The following KCNH1 variants were observed in gnomAD, a reference collection of about 807,000 sequenced individuals.
KCNH1 encodes voltage-gated delayed rectifier potassium channel KCNH1.
KCNH1 carries 27 observed loss-of-function variants against 69.2 expected under a neutral mutation model. The ratio of observed to expected loss-of-function variants is 0.39; its 90% CI spans 0.29 to 0.54. KCNH1 has a LOEUF of 0.54. Ranked by LOEUF, KCNH1 falls within the 20% of genes least tolerant of loss-of-function variation. The probability of loss-of-function intolerance (pLI) is 0.68; values close to 1 mark genes in which losing one functional copy is unlikely to be tolerated. For missense variants in KCNH1, 798 were observed against 1,261.6 expected (o/e 0.63, Z 5.57); for synonymous variants, 456 against 487.7 (o/e 0.93, Z 0.86).
intron 10 of KCNH1, among the ~76,000 whole-genome samples, chr1:210,764,836 G>T (rs760648242): frequency 3.9e-5 from 6 of 152,166 alleles, no homozygotes; most frequent in Admixed American, 2.0e-4. Flanking sequence ...ATTACCATTC[G>T]ACCTAGAAAT....
chr1:211,124,386 C>G (rs1691741579), intron 1 of KCNH1, among the ~76,000 whole-genome samples: 1 of 152,194 alleles, frequency 6.6e-6, no homozygotes, highest in African/African-American at 2.4e-5. Flanking sequence ...TGGCTCATGC[C>G]TATAATCCCA....
chr1:211,017,171 G>A (rs749744880), intron 6 of KCNH1, among the ~76,000 whole-genome samples: 9 of 152,102 alleles, frequency 5.9e-5, no homozygotes, highest in Admixed American at 1.3e-4. Flanking sequence ...TACATTGGCA[G>A]CATTTTGTAG....
intron 6 of KCNH1, among the ~76,000 whole-genome samples, chr1:210,967,172 AG>A (rs957098082): frequency 1.3e-5 from 2 of 151,154 alleles, no homozygotes; most frequent in Non-Finnish European, 2.9e-5. Context: ...AGGGACTGTC[AG>A]GGGTTGGGGG....
Position 210,978,036 on chromosome 1 carries a change from CTTTAA to C in KCNH1, c.1032+40742_1032+40746del, listed in dbSNP as rs1394257043. Among the ~76,000 whole-genome samples, 135 of 150,750 alleles carry C rather than the reference CTTTAA, an allele frequency of 9.0e-4. 1 individual carries two copies. Among genetic ancestry groups the C allele is most frequent in the Non-Finnish European group, 1.6e-3 (109 of 67,610 alleles). ...ATTGAGTCATTGGTGTTATACTCTC[CTTTAA>C]TTTTTTTTTTTTTTTTTAGATGGAG... On this transcript the variant is annotated intron_variant, in intron 6 of 10. Transcript: ENST00000271751.
chr1:210,686,331 A>G (rs1681406985), intron 10 of KCNH1, among the ~76,000 whole-genome samples: 1 of 152,092 alleles, frequency 6.6e-6, no homozygotes, highest in South Asian at 2.1e-4. Flanking sequence ...AATCCTGTTC[A>G]CACCAAGACC....
At chr1:211,047,158 C>T (rs1458948319) in intron 5 of KCNH1, among the ~76,000 whole-genome samples, 1 of 152,100 alleles carries the variant, frequency 6.6e-6, no homozygotes, top group Non-Finnish European at 1.5e-5. Flanking sequence ...TTCAGACAAG[C>T]CACATCTCAA....
chr1:210,977,086 C>G (rs1227025802), intron 6 of KCNH1, among the ~76,000 whole-genome samples: 1 of 152,210 alleles, frequency 6.6e-6, no homozygotes, highest in African/African-American at 2.4e-5. Flanking sequence ...ACTGGTGGCA[C>G]ATATACACCA....
chr1:211,045,466 C>A (rs965476763), intron 5 of KCNH1, among the ~76,000 whole-genome samples: 4 of 151,664 alleles, frequency 2.6e-5, no homozygotes, highest in African/African-American at 9.7e-5. Flanking sequence ...CAAATTAAGC[C>A]AAAGAAGCAG....
At chr1:210,905,492 C>T (rs948030503) in intron 7 of KCNH1, among the ~76,000 whole-genome samples, 12 of 152,126 alleles carry the variant, frequency 7.9e-5, no homozygotes, top group Non-Finnish European at 1.6e-4. Context: ...TAGACACCTT[C>T]CCAAGTCAAG....
At chr1:210,784,523 TG>T (rs1213353164) in intron 9 of KCNH1, among the ~76,000 whole-genome samples, 2 of 152,126 alleles carry the variant, frequency 1.3e-5, no homozygotes, top group Admixed American at 6.5e-5. Context: ...TTAACCGACA[TG>T]TTTTTTTGGA....
At position 210,679,020 on chromosome 1, in the gene KCNH1, A is replaced by T. The variant is rs1681203157; in HGVS notation, c.*4261T>A. On this transcript the variant is annotated 3_prime_UTR_variant, in exon 11 of 11. Transcript: ENST00000271751. ...TTTCACTTGAATTTAAGCTGCAGAT[A>T]AATTCACATTGATTCTTTTGAGCTG... 6.6e-6 allele frequency: 1 copy of T among 152,222 alleles called. No homozygotes were observed. Among genetic ancestry groups the T allele is most frequent in the Non-Finnish European group, 1.5e-5 (1 of 68,042 alleles). The allele number at this position is 152,222 out of a possible 1,614,324, so 9.4% of individuals were successfully genotyped here. A position where few individuals can be genotyped will look rare whatever the true frequency, so the allele number is the denominator to read the frequency against.
chr1:210,786,541 G>C (rs1022848120), intron 9 of KCNH1, among the ~76,000 whole-genome samples: 1 of 151,972 alleles, frequency 6.6e-6, no homozygotes, highest in Non-Finnish European at 1.5e-5. Context: ...TTGGGGCTGT[G>C]TTCTAGACTT....
At chr1:211,100,269 G>A (rs1182370698) in intron 3 of KCNH1, among the ~76,000 whole-genome samples, 1 of 152,132 alleles carries the variant, frequency 6.6e-6, no homozygotes, top group African/African-American at 2.4e-5. Flanking sequence ...TTTTAAGACA[G>A]ATTCTAAACT....
In KCNH1 at chr1:210,857,952, G is replaced by C. The variant is rs180844775; in HGVS notation, c.1463-53786C>G. On this transcript the variant is annotated intron_variant, in intron 7 of 10. Transcript: ENST00000271751. Reference sequence around the variant, plus strand: ...GATCAGATACCACAATCAACAAGAGGGGTAGAAGGGATGAGGAAGGGGGAG... The same window carrying C: ...GATCAGATACCACAATCAACAAGAGCGGTAGAAGGGATGAGGAAGGGGGAG... Among the ~76,000 whole-genome samples, 124 of 152,184 alleles carry C rather than the reference G, an allele frequency of 8.1e-4. 1 individual carries two copies. The highest frequency in any genetic ancestry group is 2.7e-3 in the African/African-American group (111 of 41,522).
intron 5 of KCNH1, among the ~76,000 whole-genome samples, chr1:211,023,418 A>G (rs1243344494): frequency 1.3e-5 from 2 of 151,758 alleles, no homozygotes; most frequent in African/African-American, 4.8e-5. Flanking sequence ...TGACAGATGA[A>G]TGGAAAAACA....
chr1:211,125,325 A>C, intron 1 of KCNH1, among the ~76,000 whole-genome samples: 1 of 152,170 alleles, frequency 6.6e-6, no homozygotes, highest in Non-Finnish European at 1.5e-5. Flanking sequence ...AGGGAGGCAA[A>C]CAGAAACTAT....
chr1:210,695,838 C>T (rs1301715632), intron 10 of KCNH1, among the ~76,000 whole-genome samples: 1 of 152,240 alleles, frequency 6.6e-6, no homozygotes, highest in Non-Finnish European at 1.5e-5. Flanking sequence ...GTCCACCCTC[C>T]ACACTCCGCT....
chr1:210,880,310 A>G (rs1168714636), intron 7 of KCNH1, among the ~76,000 whole-genome samples: 1 of 152,210 alleles, frequency 6.6e-6, no homozygotes, highest in African/African-American at 2.4e-5. Context: ...GAACAAAACT[A>G]GAGGAGTGAC....
intron 10 of KCNH1, among the ~76,000 whole-genome samples, chr1:210,697,580 A>G (rs1029183118): frequency 1.3e-5 from 2 of 152,256 alleles, no homozygotes; most frequent in Non-Finnish European, 2.9e-5. Context: ...CAAGGCAAGT[A>G]ATTTGTTTCT....
Sources: gnomAD v4.1 joint callset for allele counts (sites outside exome capture counted in the v4.1 genomes callset) on GRCh38, gnomAD v4.1.1 for gene constraint, MANE v1.5 for transcripts, NCBI Gene and HGNC (gene_info 2026-07-23, HGNC 2026-07-21) for gene names.